The following TRPM2 variants were observed in gnomAD, a reference collection of about 807,000 sequenced individuals.
TRPM2 encodes transient receptor potential cation channel subfamily M member 2, also known as estrogen-responsive element-associated gene 1 protein.
Under a neutral mutation model 174.0 loss-of-function variants are expected in TRPM2, and 161 were observed. That is an observed-to-expected ratio of 0.93 (90% CI 0.81 to 1.05). TRPM2 has a LOEUF of 1.05. TRPM2 is among the 50% of genes least tolerant of loss of function. The pLI is 0.00. For missense variants in TRPM2, 2,057 were observed against 2,038.0 expected (o/e 1.01, Z -0.18); for synonymous variants, 954 against 861.3 (o/e 1.11, Z -1.88).
chr21:44,425,868 C>G (rs762125423), intron 25 of TRPM2, 41 bp downstream of exon 25: 1 of 1,494,898 alleles, frequency 6.7e-7, no homozygotes. Context: ...AGTGGCCGGG[C>G]CCCTGGGGAG....
intron 19 of TRPM2, among the ~76,000 whole-genome samples, chr21:44,412,960 T>C (rs2050152109): frequency 6.6e-6 from 1 of 152,126 alleles, no homozygotes; most frequent in South Asian, 2.1e-4. Context: ...AAATTCAAGA[T>C]AAGTATAAGG....
intron 28 of TRPM2, among the ~76,000 whole-genome samples, 193 bp downstream of exon 28, chr21:44,435,410 C>T (rs1371230002): frequency 2.0e-5 from 3 of 152,032 alleles, no homozygotes; most frequent in East Asian, 3.8e-4. Flanking sequence ...CAGGAATGTC[C>T]ATGCTGCCCA....
At chr21:44,361,799 G>C (rs1007469285) in intron 2 of TRPM2, among the ~76,000 whole-genome samples, 2 of 151,980 alleles carry the variant, frequency 1.3e-5, no homozygotes, top group African/African-American at 4.8e-5. Flanking sequence ...CCTCCACCTC[G>C]CTGGGCTCAG....
At chr21:44,351,751 C>T (rs1415893941), upstream of TRPM2, among the ~76,000 whole-genome samples, 2 of 152,182 alleles carry the variant, frequency 1.3e-5, no homozygotes, top group Non-Finnish European at 2.9e-5. Context: ...CCCCCCACAG[C>T]GGGCATCAGA....
chr21:44,384,833 G>A (rs566231968), intron 9 of TRPM2, among the ~76,000 whole-genome samples: 10 of 152,226 alleles, frequency 6.6e-5, no homozygotes, highest in South Asian at 4.1e-4. Flanking sequence ...AAAGTTTTAG[G>A]GCTGATAGCT....
chr21:44,413,760 C>T, intron 19 of TRPM2, 131 bp from the exon 20 acceptor site: 1 of 1,075,944 alleles, frequency 9.3e-7, no homozygotes, highest in Non-Finnish European at 1.4e-6. Flanking sequence ...CAGCTGAGGT[C>T]ACCCAAATGA....
intron 22 of TRPM2, among the ~76,000 whole-genome samples, chr21:44,419,541 TGATGGTGGCTGC>T: frequency 1.3e-5 from 2 of 151,494 alleles, no homozygotes; most frequent in Middle Eastern, 3.4e-3. Context: ...GTGATGGTGA[TGATGGTGGCTGC>T]GATGGTGATG....
intron 27 of TRPM2, among the ~76,000 whole-genome samples, chr21:44,433,380 T>C (rs2051103272): frequency 6.6e-6 from 1 of 152,204 alleles, no homozygotes; most frequent in South Asian, 2.1e-4. Flanking sequence ...GCAGCCTTGC[T>C]CCCAGCAGCA....
Position 44,409,739 on chromosome 21 carries a change from A to G in TRPM2, c.2962+2974A>G, listed in dbSNP as rs568006564. On this transcript the variant is annotated intron_variant, in intron 19 of 31. Coordinates refer to ENST00000397928, the MANE Select transcript of TRPM2 (RefSeq NM_003307.4). ...CGTAGACTTGTAGTAAGTTTTGACC[A>G]CACTGTCTTGGTGTAGCCTTGTAGT... 2.6e-3 allele frequency among the ~76,000 whole-genome samples: 339 copies of G among 128,662 alleles called. 30 individuals carry two copies. Among genetic ancestry groups the G allele is most frequent in the African/African-American group, 9.4e-3 (303 of 32,174 alleles). The allele number at this position is 128,662 out of a possible 152,430, so 84.4% of individuals were successfully genotyped here.
intron 12 of TRPM2, among the ~76,000 whole-genome samples, chr21:44,396,601 A>G (rs1315775829): frequency 2.2e-4 from 4 of 18,236 alleles, no homozygotes; most frequent in East Asian, 1.8e-3. Context: ...AGAGGGGTGT[A>G]GAGGGTTGTG....
intron 2 of TRPM2, among the ~76,000 whole-genome samples, chr21:44,356,531 ATTTTT>A (rs143434691): frequency 7.3e-6 from 1 of 137,628 alleles, no homozygotes. Flanking sequence ...CTGCTTGGCT[ATTTTT>A]TTTTTTTTTT....
intron 22 of TRPM2, chr21:44,422,292 T>A: frequency 2.0e-6 from 3 of 1,535,782 alleles, no homozygotes; most frequent in Non-Finnish European, 2.6e-6. Flanking sequence ...GCTTTGGGGG[T>A]CAAGGACAAG....
chr21:44,358,311 G>GA (rs55671108), intron 2 of TRPM2, among the ~76,000 whole-genome samples: 38,549 of 152,004 alleles, frequency 0.25, 5,429 homozygotes, highest in African/African-American at 0.39. Flanking sequence ...CCTCATCTGT[G>GA]AGCGCAGAGA....
upstream of TRPM2, among the ~76,000 whole-genome samples, chr21:44,351,293 C>G (rs1235399028): frequency 1.3e-5 from 2 of 152,218 alleles, no homozygotes; most frequent in African/African-American, 2.4e-5. Flanking sequence ...GCGGGACCCC[C>G]GGGGCTGAGG....
At chr21:44,355,881 A>G (rs2048044953) in intron 2 of TRPM2, among the ~76,000 whole-genome samples, 1 of 150,720 alleles carries the variant, frequency 6.6e-6, no homozygotes, top group African/African-American at 2.4e-5. Context: ...CCAAAATCCC[A>G]TATCTCGTAT....
At chr21:44,400,723 TGCGAGCA>T (rs1207319563) in intron 15 of TRPM2, among the ~76,000 whole-genome samples, 1 of 147,466 alleles carries the variant, frequency 6.8e-6, no homozygotes, top group Non-Finnish European at 1.5e-5. Flanking sequence ...AGGTCTGGGA[TGCGAGCA>T]GCGAGCTGCG....
chr21:44,399,160 A>C lies in TRPM2; in HGVS notation c.2063-136A>C. The C allele has an allele frequency of 8.5e-7, 1 of 1,181,748 alleles. No homozygotes were observed. Among genetic ancestry groups the C allele is most frequent in the Non-Finnish European group, 1.1e-6 (1 of 872,604 alleles). 73.2% of individuals were successfully genotyped at this position (1,181,748 alleles called of 1,614,324 possible). A position where few individuals can be genotyped will look rare whatever the true frequency, so the allele number is the denominator to read the frequency against. ...CGTCCCTGGGCCTGGGTGTTTTGAG[A>C]CACCAGCCCCACATTTGCCCTGTGC... On this transcript the variant is annotated intron_variant, in intron 13 of 31. Transcript: ENST00000397928. This position sits in a 1 kb window ranked among gnomAD's most constrained non-coding sequence, Gnocchi z 4.6.
At chr21:44,353,380 G>A, upstream of TRPM2, 1 of 222,236 alleles carries the variant, frequency 4.5e-6, no homozygotes, top group Non-Finnish European at 8.8e-6. Flanking sequence ...TGGCCCTGCA[G>A]TCACCTGAGG....
intron 15 of TRPM2, 100 bp from the exon 16 acceptor site, chr21:44,401,580 CT>C: frequency 8.0e-7 from 1 of 1,255,994 alleles, no homozygotes; most frequent in South Asian, 1.3e-5. Context: ...AAAAGCACAT[CT>C]CTCTGAGGGG....
Sources: allele counts gnomAD v4.1 joint callset (sites outside exome capture counted in the v4.1 genomes callset), GRCh38; gene constraint gnomAD v4.1.1; non-coding constraint Gnocchi (gnomAD v3.1); transcripts MANE v1.5; gene names NCBI Gene and HGNC (gene_info 2026-07-23, HGNC 2026-07-21).